The following DSCAM variants were observed in gnomAD, a reference collection of about 807,000 sequenced individuals.
DSCAM encodes DS cell adhesion molecule.
A neutral mutation model predicts 217.7 loss-of-function variants in DSCAM; 47 were observed. The ratio of observed to expected loss-of-function variants is 0.22; its 90% CI spans 0.17 to 0.28. DSCAM has a LOEUF of 0.28. Ranked by LOEUF, DSCAM falls within the 10% of genes least tolerant of loss-of-function variation. The pLI is 1.00. For synonymous variants in DSCAM, 1,056 were observed against 1,015.3 expected (o/e 1.04, Z -0.76); for missense variants, 2,080 against 2,618.3 (o/e 0.79, Z 4.49).
intron 3 of DSCAM, among the ~76,000 whole-genome samples, chr21:40,619,742 A>AT (rs749939821): frequency 4.3e-4 from 66 of 152,134 alleles, no homozygotes; most frequent in Middle Eastern, 3.4e-3. Context: ...ATGAATTCAT[A>AT]TTTTTGGAAA....
At chr21:40,519,374 T>C (rs947148167) in intron 3 of DSCAM, among the ~76,000 whole-genome samples, 1 of 152,214 alleles carries the variant, frequency 6.6e-6, no homozygotes, top group African/African-American at 2.4e-5. Context: ...TTATTGTATC[T>C]GCCCAAAATT....
At chr21:40,311,518 C>G (rs2074137147) in intron 9 of DSCAM, among the ~76,000 whole-genome samples, 1 of 152,274 alleles carries the variant, frequency 6.6e-6, no homozygotes, top group South Asian at 2.1e-4. Flanking sequence ...TGAATAAGTA[C>G]TACCATACTC....
At chr21:40,837,704 G>A (rs1601330349) in intron 1 of DSCAM, among the ~76,000 whole-genome samples, 2 of 152,136 alleles carry the variant, frequency 1.3e-5, no homozygotes, top group East Asian at 1.9e-4. Context: ...ACTAGCCAAC[G>A]AAATAGACAA....
At chr21:40,274,572 C>T (rs76482159) in intron 11 of DSCAM, among the ~76,000 whole-genome samples, 389 of 152,268 alleles carry the variant, frequency 2.6e-3, no homozygotes, top group Middle Eastern at 0.014. Flanking sequence ...AAAGATGGAC[C>T]GACTCTGGTC....
intron 3 of DSCAM, among the ~76,000 whole-genome samples, chr21:40,401,929 A>G (rs1484167281): frequency 6.6e-6 from 1 of 151,850 alleles, no homozygotes; most frequent in Non-Finnish European, 1.5e-5. Context: ...CACCCAACTG[A>G]GCAGAGCAAC....
chr21:40,608,259 T>C (rs2089268584), intron 3 of DSCAM, among the ~76,000 whole-genome samples: 1 of 152,250 alleles, frequency 6.6e-6, no homozygotes, highest in African/African-American at 2.4e-5. Flanking sequence ...CATAGCAGTG[T>C]ATTTTTCTGG....
At chr21:40,466,408 C>T (rs2075845754) in intron 3 of DSCAM, among the ~76,000 whole-genome samples, 1 of 152,124 alleles carries the variant, frequency 6.6e-6, no homozygotes, top group Admixed American at 6.5e-5. Context: ...TGGAAGAGAC[C>T]ATGTACTTTA....
chr21:40,123,292 C>T (rs540526167), intron 20 of DSCAM, among the ~76,000 whole-genome samples: 2 of 152,212 alleles, frequency 1.3e-5, no homozygotes, highest in Non-Finnish European at 1.5e-5. Flanking sequence ...GTAAGTTTTA[C>T]GTTATGTGTA....
At chr21:40,566,449 C>T (rs1337677356) in intron 3 of DSCAM, among the ~76,000 whole-genome samples, 1 of 152,232 alleles carries the variant, frequency 6.6e-6, no homozygotes, top group Non-Finnish European at 1.5e-5. Flanking sequence ...ACTCTCCAGA[C>T]ATTCATTGAC....
intron 21 of DSCAM, 149 bp from the exon 22 acceptor site, chr21:40,087,436 G>A (rs752806883): frequency 3.0e-5 from 18 of 609,406 alleles, no homozygotes; most frequent in Non-Finnish European, 4.7e-5. Context: ...TGGTACCCGG[G>A]TTATGAGGAA....
intron 8 of DSCAM, among the ~76,000 whole-genome samples, chr21:40,315,225 C>A (rs1486753307): frequency 1.3e-5 from 2 of 151,078 alleles, no homozygotes; most frequent in East Asian, 3.9e-4. Context: ...ATGGAAAAAC[C>A]TTGTTTCTAC....
Position 40,317,432 on chromosome 21 carries a change from G to A in DSCAM, c.1784-5073C>T, listed in dbSNP as rs866096488. Reference sequence around the variant, plus strand: ...TTTATGGACGTGCCCATTTTCTTAAGTAGAGTGACCCAGGAGGGCAGGAGA... The same window carrying A: ...TTTATGGACGTGCCCATTTTCTTAAATAGAGTGACCCAGGAGGGCAGGAGA... On this transcript the variant is annotated intron_variant, in intron 8 of 32. Coordinates refer to ENST00000400454, the MANE Select transcript of DSCAM (RefSeq NM_001389.5). Among the ~76,000 whole-genome samples the A allele has an allele frequency of 2.0e-5, 3 of 152,176 alleles. No individual in the cohort carries two copies. The South Asian group carries it at 6.2e-4, about 32-fold the overall frequency.
intron 27 of DSCAM, among the ~76,000 whole-genome samples, chr21:40,068,076 C>T (rs1352797470): frequency 1.3e-5 from 2 of 152,054 alleles, no homozygotes; most frequent in Non-Finnish European, 2.9e-5. Flanking sequence ...GGGCTCCTCC[C>T]TTATCTGTTG....
intron 11 of DSCAM, among the ~76,000 whole-genome samples, chr21:40,242,240 T>A (rs974616663): frequency 9.2e-5 from 14 of 151,822 alleles, no homozygotes; most frequent in African/African-American, 3.4e-4. Flanking sequence ...GTCAAAATAA[T>A]CAAGTAAATA....
intron 3 of DSCAM, among the ~76,000 whole-genome samples, chr21:40,416,797 A>T (rs991481390): frequency 5.9e-5 from 9 of 152,246 alleles, no homozygotes; most frequent in Non-Finnish European, 1.0e-4. Flanking sequence ...ATTATAGAGC[A>T]AGATGATTTC....
intron 3 of DSCAM, among the ~76,000 whole-genome samples, chr21:40,506,882 A>C (rs534311376): frequency 6.6e-6 from 1 of 152,342 alleles, no homozygotes; most frequent in African/African-American, 2.4e-5. Context: ...AAGAGGAAAA[A>C]AATATTTTGC....
At chr21:40,543,861 A>G (rs1366127416) in intron 3 of DSCAM, among the ~76,000 whole-genome samples, 2 of 152,216 alleles carry the variant, frequency 1.3e-5, no homozygotes, top group Non-Finnish European at 2.9e-5. Context: ...ATAAATTTAC[A>G]TAATTAAAAA....
chr21:40,352,299 G>A (rs1054459941), intron 5 of DSCAM, among the ~76,000 whole-genome samples: 46 of 152,178 alleles, frequency 3.0e-4, no homozygotes, highest in African/African-American at 1.1e-3. Context: ...CTTTGAGCCC[G>A]TGGGAATAAT....
intron 14 of DSCAM, among the ~76,000 whole-genome samples, chr21:40,182,281 T>C (rs1478502745): frequency 6.6e-6 from 1 of 152,120 alleles, no homozygotes; most frequent in Non-Finnish European, 1.5e-5. Context: ...GAGCCCCTTG[T>C]TCTCTGTCTT....
Sources: gnomAD v4.1 joint callset for allele counts (sites outside exome capture counted in the v4.1 genomes callset) on GRCh38, gnomAD v4.1.1 for gene constraint, MANE v1.5 for transcripts, NCBI Gene and HGNC (gene_info 2026-07-23, HGNC 2026-07-21) for gene names.